The following ADK variants were observed in gnomAD, a reference collection of about 807,000 sequenced individuals.
ADK encodes N6,N6-dimethyladenosine kinase.
A neutral mutation model predicts 44.7 loss-of-function variants in ADK; 24 were observed. That is an observed-to-expected ratio of 0.54 (90% CI 0.39 to 0.76). The LOEUF (loss-of-function observed/expected upper bound fraction) is 0.76. Among genes scored for constraint, ADK ranks in the 30% least tolerant of loss-of-function variants. The pLI, the probability that ADK is intolerant of heterozygous loss-of-function variation, is 0.00. For synonymous variants in ADK, 128 were observed against 142.6 expected (o/e 0.90, Z 0.73); for missense variants, 321 against 425.1 (o/e 0.76, Z 2.15).
At chr10:74,315,361 C>T (rs1429102942) in intron 4 of ADK, among the ~76,000 whole-genome samples, 9 of 151,892 alleles carry the variant, frequency 5.9e-5, no homozygotes, top group South Asian at 2.1e-4. Context: ...ATATCTATAC[C>T]GGTGTATATC....
chr10:74,270,155 AAG>A (rs1302424802), intron 3 of ADK, among the ~76,000 whole-genome samples: 1 of 152,226 alleles, frequency 6.6e-6, no homozygotes, highest in Admixed American at 6.5e-5. Flanking sequence ...AGAATAAAGC[AAG>A]TGATTAAACA....
intron 9 of ADK, among the ~76,000 whole-genome samples, chr10:74,626,445 G>A (rs746966106): frequency 5.9e-5 from 9 of 152,032 alleles, no homozygotes; most frequent in South Asian, 4.2e-4. Context: ...GGAACTACAG[G>A]TGTGTGTCAC....
At chr10:74,218,287 A>C (rs1454956075) in intron 2 of ADK, among the ~76,000 whole-genome samples, 13 of 152,220 alleles carry the variant, frequency 8.5e-5, no homozygotes, top group Admixed American at 8.5e-4. Context: ...AGATGAAATG[A>C]GTGAAATGAA....
intron 10 of ADK, among the ~76,000 whole-genome samples, chr10:74,701,169 A>G (rs1014194467): frequency 2.6e-5 from 4 of 152,248 alleles, no homozygotes; most frequent in African/African-American, 7.2e-5. Context: ...GGTTCTCACT[A>G]TAAAAGAAGG....
intron 3 of ADK, among the ~76,000 whole-genome samples, chr10:74,294,606 C>G (rs1839747036): frequency 6.6e-6 from 1 of 152,230 alleles, no homozygotes. Flanking sequence ...ATCTTTAGAA[C>G]AGCAGAAATG....
At chr10:74,502,959 AG>A (rs551183319) in intron 6 of ADK, among the ~76,000 whole-genome samples, 2 of 152,202 alleles carry the variant, frequency 1.3e-5, no homozygotes, top group African/African-American at 2.4e-5. Context: ...TTCGTTACTA[AG>A]AGGAAGCTAC....
Position 74,373,376 on chromosome 10 carries a change from A to G in ADK, c.274-20765A>G, listed in dbSNP as rs1020725325. Among the ~76,000 whole-genome samples the G allele has an allele frequency of 2.0e-5, 3 of 152,218 alleles. No homozygotes were observed. In the East Asian group the frequency reaches 5.8e-4, roughly 29 times the overall value. On this transcript the variant is annotated intron_variant, in intron 4 of 10. Coordinates refer to ENST00000539909, the MANE Select transcript of ADK (RefSeq NM_006721.4). ...GTGCTTTAAAGGACACCATCAAGAAAGTGAAAAGACAACCCACAGAATGGG... is the reference window on the plus strand; with the variant it reads ...GTGCTTTAAAGGACACCATCAAGAAGGTGAAAAGACAACCCACAGAATGGG...
At chr10:74,275,745 A>C (rs192241089) in intron 3 of ADK, among the ~76,000 whole-genome samples, 27 of 151,894 alleles carry the variant, frequency 1.8e-4, no homozygotes, top group Admixed American at 4.6e-4. Context: ...TACAACCTCC[A>C]CCTCCCATGT....
At chr10:74,484,152 A>G (rs1037647140) in intron 6 of ADK, among the ~76,000 whole-genome samples, 1 of 152,210 alleles carries the variant, frequency 6.6e-6, no homozygotes, top group African/African-American at 2.4e-5. Flanking sequence ...ATTGGCTCAT[A>G]GTTCCGCAGG....
chr10:74,278,597 A>G (rs1333179123), intron 3 of ADK, among the ~76,000 whole-genome samples: 2 of 152,192 alleles, frequency 1.3e-5, no homozygotes, highest in Non-Finnish European at 2.9e-5. Context: ...TAACAATTAC[A>G]TGTAGTTAAA....
At chr10:74,527,930 G>A (rs1411097282) in intron 7 of ADK, 7 of 780,488 alleles carry the variant, frequency 9.0e-6, no homozygotes, top group South Asian at 7.3e-5. Context: ...AGGTTTCTTC[G>A]ACTTCATTGT....
intron 3 of ADK, among the ~76,000 whole-genome samples, chr10:74,273,705 G>A (rs888698202): frequency 1.8e-4 from 27 of 152,182 alleles, no homozygotes; most frequent in Non-Finnish European, 3.7e-4. Context: ...TGATCCACCC[G>A]CCTCGGCCTC....
intron 6 of ADK, among the ~76,000 whole-genome samples, chr10:74,503,305 A>G (rs988337143): frequency 4.6e-5 from 7 of 152,226 alleles, no homozygotes; most frequent in Non-Finnish European, 8.8e-5. Flanking sequence ...AGAAAGGTAC[A>G]GGATTTATAC....
At chr10:74,395,946 G>T (rs1843491071) in intron 5 of ADK, among the ~76,000 whole-genome samples, 1 of 152,206 alleles carries the variant, frequency 6.6e-6, no homozygotes, top group South Asian at 2.1e-4. Flanking sequence ...AGGAGGTGGA[G>T]GTTGCAGTGA....
intron 3 of ADK, among the ~76,000 whole-genome samples, chr10:74,251,512 A>C (rs1018306243): frequency 2.6e-5 from 4 of 152,194 alleles, no homozygotes; most frequent in African/African-American, 4.8e-5. Context: ...CTTCCTGTGA[A>C]GTTTAGGTAA....
intron 1 of ADK, among the ~76,000 whole-genome samples, chr10:74,160,043 G>A (rs545929769): frequency 6.6e-6 from 1 of 152,350 alleles, no homozygotes; most frequent in Non-Finnish European, 1.5e-5. Context: ...CAAAGGAAGA[G>A]AGTTTTTCTA....
chr10:74,661,198 A>C, intron 9 of ADK: 1 of 422,038 alleles, frequency 2.4e-6, no homozygotes, highest in Non-Finnish European at 3.2e-6. Flanking sequence ...TTTGGTTATC[A>C]GTACCAGGCT....
intron 9 of ADK, among the ~76,000 whole-genome samples, chr10:74,622,509 T>C (rs1395795731): frequency 6.6e-6 from 1 of 152,174 alleles, no homozygotes; most frequent in Non-Finnish European, 1.5e-5. Context: ...GCCTAACCAA[T>C]AGGTCCCTTA....
intron 4 of ADK, among the ~76,000 whole-genome samples, chr10:74,347,713 G>A (rs1316783034): frequency 6.6e-6 from 1 of 152,126 alleles, no homozygotes; most frequent in Non-Finnish European, 1.5e-5. Flanking sequence ...ATTGACCTTG[G>A]ACCATTGGGC....
Sources: allele counts gnomAD v4.1 joint callset (sites outside exome capture counted in the v4.1 genomes callset), GRCh38; gene constraint gnomAD v4.1.1; transcripts MANE v1.5; gene names NCBI Gene and HGNC (gene_info 2026-07-23, HGNC 2026-07-21).